The following MICALL1 variants were observed in gnomAD, a reference collection of about 807,000 sequenced individuals.
MICALL1 encodes MICAL-like protein 1.
Under a neutral mutation model 83.7 loss-of-function variants are expected in MICALL1, and 61 were observed. The observed-to-expected ratio is 0.73, with a 90% CI of 0.59 to 0.90. MICALL1 has a LOEUF of 0.90. Ranked by LOEUF, MICALL1 falls within the 40% of genes least tolerant of loss-of-function variation. The pLI, the probability that MICALL1 is intolerant of heterozygous loss-of-function variation, is 0.00. For missense variants in MICALL1, 1,066 were observed against 1,152.0 expected (o/e 0.93, Z 1.08); for synonymous variants, 481 against 473.6 (o/e 1.02, Z -0.20).
At chr22:37,931,987 T>G (rs1411336898) in intron 10 of MICALL1, 54 bp downstream of exon 10, 1 of 1,589,228 alleles carries the variant, frequency 6.3e-7, no homozygotes, top group African/African-American at 1.4e-5. Flanking sequence ...CAACCCCCAC[T>G]CTGCAGCTGC....
chr22:37,928,292 C>T (rs540587594), intron 9 of MICALL1, among the ~76,000 whole-genome samples: 10 of 151,084 alleles, frequency 6.6e-5, no homozygotes, highest in South Asian at 6.3e-4. Flanking sequence ...CTGCAAGCTC[C>T]GCCTCCCAGG....
intron 15 of MICALL1, 114 bp downstream of exon 15, chr22:37,937,906 C>T (rs1206173644): frequency 1.3e-5 from 17 of 1,317,314 alleles, no homozygotes; most frequent in Admixed American, 5.4e-5. Context: ...GATGGCTGTG[C>T]ACAAACTCCG....
At chr22:37,939,134 A>G (rs557443245) in intron 15 of MICALL1, among the ~76,000 whole-genome samples, 27 of 152,308 alleles carry the variant, frequency 1.8e-4, no homozygotes, top group Non-Finnish European at 3.1e-4. Context: ...AGGCCAAGTC[A>G]GACTACTTGA....
chr22:37,927,304 G>T, intron 8 of MICALL1, 107 bp from the exon 9 acceptor site: 1 of 1,301,212 alleles, frequency 7.7e-7, no homozygotes, highest in Non-Finnish European at 1.0e-6. Context: ...TGGAGGGCTT[G>T]GGTTTCTGGG....
chr22:37,922,702 C>T (rs1237898484), intron 6 of MICALL1, among the ~76,000 whole-genome samples: 1 of 142,192 alleles, frequency 7.0e-6, no homozygotes, highest in East Asian at 2.0e-4. Context: ...TTCCACCTCC[C>T]GGGTTCAAGC....
chr22:37,910,365 C>T (rs186555192), intron 1 of MICALL1, among the ~76,000 whole-genome samples: 30 of 152,228 alleles, frequency 2.0e-4, no homozygotes, highest in East Asian at 7.7e-4. Flanking sequence ...CCGAAATAAA[C>T]GGCTGAGACA....
At chr22:37,933,179 A>G in intron 13 of MICALL1, 67 bp downstream of exon 13, 2 of 1,537,070 alleles carry the variant, frequency 1.3e-6, no homozygotes, top group Non-Finnish European at 1.8e-6. Flanking sequence ...GGAGTGGGGG[A>G]GCGGGCAGAC....
intron 9 of MICALL1, among the ~76,000 whole-genome samples, 175 bp from the exon 10 acceptor site, chr22:37,931,624 T>G (rs1237995280): frequency 6.6e-6 from 1 of 152,002 alleles, no homozygotes; most frequent in Non-Finnish European, 1.5e-5. Flanking sequence ...GAAATGGAAA[T>G]GTTTATTGAA....
chr22:37,914,060 G>A (rs1054947075), intron 3 of MICALL1, among the ~76,000 whole-genome samples: 6 of 151,844 alleles, frequency 4.0e-5, no homozygotes, highest in African/African-American at 1.5e-4. Context: ...ATTTTTAGTA[G>A]AGATGGGGTT....
At position 37,906,637 on chromosome 22, in the gene MICALL1, A is replaced by G; in HGVS notation, c.146+69A>G. ...GGGGCCGCGACCGCCGCCCCCCCTCAGTAACACGAAGCCCGGGCGGTGACA... is the reference window on the plus strand; with the variant it reads ...GGGGCCGCGACCGCCGCCCCCCCTCGGTAACACGAAGCCCGGGCGGTGACA... On this transcript the variant is annotated intron_variant, in intron 1 of 15. Transcript: ENST00000215957. This position sits in a 1 kb window ranked among gnomAD's most constrained non-coding sequence, Gnocchi z 4.4. 1.7e-5 allele frequency: 19 copies of G among 1,126,532 alleles called. No homozygotes were observed. Among genetic ancestry groups the G allele is most frequent in the Non-Finnish European group, 2.1e-5 (19 of 917,688 alleles). 69.8% of individuals were successfully genotyped at this position (1,126,532 alleles called of 1,614,324 possible).
intron 3 of MICALL1, among the ~76,000 whole-genome samples, chr22:37,912,844 G>C (rs565220321): frequency 6.6e-6 from 1 of 151,818 alleles, no homozygotes; most frequent in African/African-American, 2.4e-5. Context: ...TGTGTCTTTA[G>C]TAGAGACAGG....
chr22:37,917,438 C>T (rs376989011), intron 3 of MICALL1, among the ~76,000 whole-genome samples: 20 of 152,274 alleles, frequency 1.3e-4, no homozygotes, highest in East Asian at 7.7e-4. Context: ...CGTACTGTTG[C>T]GCCATTGTTC....
Position 37,937,061 on chromosome 22 carries a change from A to G in MICALL1, c.2309-19A>G. 1 of 1,549,120 alleles carries G rather than the reference A, an allele frequency of 6.5e-7. No homozygotes were observed. Among genetic ancestry groups the G allele is most frequent in the East Asian group, 2.4e-5 (1 of 40,884 alleles). ...GGCTTTCCTACCACTCATGCCCCCTAACTTTTCTCCCTGGGCAGAAAAGGA... is the reference window on the plus strand; with the variant it reads ...GGCTTTCCTACCACTCATGCCCCCTGACTTTTCTCCCTGGGCAGAAAAGGA... On this transcript the variant is annotated intron_variant, in intron 13 of 15. Coordinates refer to ENST00000215957, the MANE Select transcript of MICALL1 (RefSeq NM_033386.4).
intron 1 of MICALL1, among the ~76,000 whole-genome samples, chr22:37,910,928 C>A (rs532308873): frequency 7.2e-5 from 11 of 152,344 alleles, no homozygotes; most frequent in Middle Eastern, 3.4e-3. Context: ...CCCTCAGAGG[C>A]GGCGTGGCCT....
At chr22:37,912,250 C>T in intron 2 of MICALL1, 101 bp from the exon 3 acceptor site, 1 of 1,422,988 alleles carries the variant, frequency 7.0e-7, no homozygotes, top group South Asian at 1.3e-5. Context: ...GTCACCCCAT[C>T]CCACTGAAGG....
chr22:37,926,183 C>G, intron 8 of MICALL1, 140 bp downstream of exon 8: 1 of 1,121,932 alleles, frequency 8.9e-7, no homozygotes, highest in Non-Finnish European at 1.2e-6. Context: ...AATCCTAGAG[C>G]AAACCTGTGA....
intron 1 of MICALL1, among the ~76,000 whole-genome samples, chr22:37,911,431 CAT>C (rs1361704502): frequency 2.0e-5 from 3 of 152,234 alleles, no homozygotes; most frequent in Non-Finnish European, 4.4e-5. Flanking sequence ...GAGGGCCAGA[CAT>C]GTGGATTCCC....
Position 37,906,747 on chromosome 22 carries a change from C to T in MICALL1, c.146+179C>T, listed in dbSNP as rs1396390639. On this transcript the variant is annotated intron_variant, in intron 1 of 15. Transcript: ENST00000215957. The surrounding 1 kb of genome is among the most constrained non-coding windows in gnomAD (Gnocchi z 4.4). ...TCCCTGAGACCCCGGCCCAGGGCGC[C>T]CCTCCCCCGCCCGGCCGCCCTGACC... is the stretch of plus-strand genomic sequence containing the variant. 2.2e-5 allele frequency: 8 copies of T among 357,660 alleles called. No homozygotes were observed. In the Admixed American group the frequency reaches 3.4e-4, roughly 15 times the overall value. The allele number at this position is 357,660 out of a possible 1,614,324, so 22.2% of individuals were successfully genotyped here. A position where few individuals can be genotyped will look rare whatever the true frequency, so the allele number is the denominator to read the frequency against.
rs377500561 is a variant in MICALL1, at chr22:37,924,756, C to T, written c.1082+39C>T. On this transcript the variant is annotated intron_variant, in intron 7 of 15. Transcript: ENST00000215957. This position sits in a 1 kb window ranked among gnomAD's most constrained non-coding sequence, Gnocchi z 5.2. ...TGAGGGGCTTTCCTGCTTTGGAGGT[C>T]CTGGTGGTGGGAATCAGGGTACTCT... 1.2e-5 allele frequency: 19 copies of T among 1,601,202 alleles called. No individual in the cohort carries two copies. The African/African-American group carries it at 2.4e-4, about 20-fold the overall frequency.
Sources: allele counts gnomAD v4.1 joint callset (sites outside exome capture counted in the v4.1 genomes callset), GRCh38; gene constraint gnomAD v4.1.1; non-coding constraint Gnocchi (gnomAD v3.1); transcripts MANE v1.5; gene names NCBI Gene and HGNC (gene_info 2026-07-23, HGNC 2026-07-21).